The following DPY19L2 variants were observed in gnomAD, a reference collection of about 807,000 sequenced individuals.
The protein encoded by DPY19L2 is probable C-mannosyltransferase DPY19L2.
A neutral mutation model predicts 97.9 loss-of-function variants in DPY19L2; 34 were observed. That is an observed-to-expected ratio of 0.35 (90% CI 0.26 to 0.46). The LOEUF (loss-of-function observed/expected upper bound fraction) is 0.46. DPY19L2 is among the 20% of genes least tolerant of loss of function. The pLI, the probability that DPY19L2 is intolerant of heterozygous loss-of-function variation, is 1.00. For synonymous variants in DPY19L2, 230 were observed against 307.9 expected, an observed-to-expected ratio of 0.75 and a Z score of 2.65; for missense variants, 623 against 911.4, an observed-to-expected ratio of 0.68 and a Z score of 4.07.
In DPY19L2 at chr12:63,580,834, G is replaced by T. The variant is rs1409475328; in HGVS notation, c.1728C>A (p.Leu576=). The T allele has an allele frequency of 1.2e-6, 2 of 1,610,720 alleles. No individual in the cohort carries two copies. The highest frequency in any genetic ancestry group is 1.1e-5 in the South Asian group (1 of 90,400). The change falls in exon 19 of 22, where the codon CTC becomes CTA. Residue 576 remains leucine (L), a splice_region_variant and synonymous_variant. Transcript: ENST00000324472. ...VMASLICSRQ[L]FGWLFRRVRF... ...GAACTCTGCGAAAAAGCCAGCCAAA[G>T]AGCTGAAACGAAAGAAACCGTTTAT...
At chr12:63,609,850 C>T (rs1474933656) in intron 11 of DPY19L2, among the ~76,000 whole-genome samples, 1 of 152,110 alleles carries the variant, frequency 6.6e-6, no homozygotes, top group Non-Finnish European at 1.5e-5. Context: ...AATTTTGTAT[C>T]ATTTAGTTGG....
chr12:63,665,242 C>T (rs1394974413), intron 2 of DPY19L2, among the ~76,000 whole-genome samples: 1 of 152,070 alleles, frequency 6.6e-6, no homozygotes, highest in Non-Finnish European at 1.5e-5. Flanking sequence ...GAGGCCGAGG[C>T]AGGTGGATCA....
At chr12:63,639,848 T>C (rs919655265) in intron 6 of DPY19L2, among the ~76,000 whole-genome samples, 12 of 152,208 alleles carry the variant, frequency 7.9e-5, no homozygotes, top group Non-Finnish European at 1.8e-4. Context: ...ATCCCATTAC[T>C]GGGTATATAC....
At position 63,558,987 on chromosome 12, in the gene DPY19L2, T is replaced by G. The variant is rs1876019874; in HGVS notation, c.*1525A>C. On this transcript the variant is annotated 3_prime_UTR_variant, in exon 22 of 22. Transcript: ENST00000324472. ...TATTTGTACTGAATATTTTATTAGC[T>G]AATACAGTACCATTTTAAAAGTTCT... is the stretch of plus-strand genomic sequence containing the variant. 6.6e-6 allele frequency: 1 copy of G among 152,186 alleles called. No individual in the cohort carries two copies. Among genetic ancestry groups the G allele is most frequent in the Non-Finnish European group, 1.5e-5 (1 of 68,022 alleles). 9.4% of individuals were successfully genotyped at this position (152,186 alleles called of 1,614,324 possible). A position where few individuals can be genotyped will look rare whatever the true frequency, so the allele number is the denominator to read the frequency against.
chr12:63,634,617 G>A (rs1891329719), intron 6 of DPY19L2, among the ~76,000 whole-genome samples: 1 of 152,086 alleles, frequency 6.6e-6, no homozygotes, highest in Non-Finnish European at 1.5e-5. Flanking sequence ...TTAGCAAACG[G>A]CACACCAGGA....
chr12:63,621,486 T>C (rs1888684102), intron 8 of DPY19L2, 149 bp from the exon 9 acceptor site: 5 of 674,404 alleles, frequency 7.4e-6, no homozygotes, highest in African/African-American at 1.8e-5. Flanking sequence ...TAAAGTATAC[T>C]AAAAAGAACT....
chr12:63,639,670 A>AGAATG (rs1220920707), intron 6 of DPY19L2, among the ~76,000 whole-genome samples: 2 of 152,216 alleles, frequency 1.3e-5, no homozygotes, highest in Non-Finnish European at 2.9e-5. Flanking sequence ...CACACCAGTT[A>AGAATG]GAATGGCAAT....
chr12:63,620,100 C>A, intron 9 of DPY19L2: 3 of 363,402 alleles, frequency 8.3e-6, no homozygotes, highest in South Asian at 2.1e-5. Flanking sequence ...TTATTATTAT[C>A]ATCAGCATTT....
In DPY19L2 at chr12:63,587,778, G is replaced by A. The variant is rs556126939; in HGVS notation, c.1581-3942C>T. On this transcript the variant is annotated intron_variant, in intron 16 of 21. Coordinates refer to ENST00000324472, the MANE Select transcript of DPY19L2 (RefSeq NM_173812.5). ...AGTGGAGACAGGGTTTCACCGTGTT[G>A]GCCAGGATGGTCTCGATCTCCTGAC... 4.0e-3 allele frequency among the ~76,000 whole-genome samples: 610 copies of A among 151,978 alleles called. 3 individuals carry two copies. The highest frequency in any genetic ancestry group is 6.1e-3 in the Non-Finnish European group (414 of 67,934).
At chr12:63,596,981 CT>C (rs1185325132) in intron 14 of DPY19L2, among the ~76,000 whole-genome samples, 3 of 150,170 alleles carry the variant, frequency 2.0e-5, no homozygotes, top group African/African-American at 4.9e-5. Flanking sequence ...ATTTTTTTTT[CT>C]TTTTTTTTGA....
intron 4 of DPY19L2, among the ~76,000 whole-genome samples, chr12:63,659,520 T>A (rs747560120): frequency 6.6e-6 from 1 of 151,566 alleles, no homozygotes; most frequent in East Asian, 1.9e-4. Flanking sequence ...TAACATTAGA[T>A]AGAAATGCAA....
intron 5 of DPY19L2, among the ~76,000 whole-genome samples, 185 bp from the exon 6 acceptor site, chr12:63,644,681 CATATATATGTATGTGTGT>C (rs1015349922): frequency 6.6e-6 from 1 of 151,690 alleles, no homozygotes; most frequent in Non-Finnish European, 1.5e-5. Context: ...CTTGCAGACA[CATATATATGTATGTGTGT>C]ATATATATGT....
At chr12:63,647,868 G>A (rs1893643307) in intron 4 of DPY19L2, among the ~76,000 whole-genome samples, 7 of 152,082 alleles carry the variant, frequency 4.6e-5, no homozygotes, top group Admixed American at 4.6e-4. Flanking sequence ...GAGTTCCGTG[G>A]GCTCTCTTTG....
chr12:63,594,842 T>C (rs1010441677), intron 15 of DPY19L2, among the ~76,000 whole-genome samples: 5 of 152,290 alleles, frequency 3.3e-5, no homozygotes, highest in Admixed American at 6.5e-5. Flanking sequence ...AATTCATGCA[T>C]TGGCCCCTCT....
chr12:63,582,613 G>T (rs2137376742), intron 17 of DPY19L2, 88 bp from the exon 18 acceptor site: 2 of 1,339,958 alleles, frequency 1.5e-6, no homozygotes. Flanking sequence ...TATTCATTAA[G>T]ACAAGGATCT....
At chr12:63,565,633 T>G (rs1029619393) in intron 21 of DPY19L2, among the ~76,000 whole-genome samples, 1 of 152,136 alleles carries the variant, frequency 6.6e-6, no homozygotes, top group Non-Finnish European at 1.5e-5. Flanking sequence ...ATGGCCATCG[T>G]GGGGGGCTCA....
rs1895032208 is a variant in DPY19L2, at chr12:63,656,821, G to A, written c.588+4523C>T. Among the ~76,000 whole-genome samples, 3 of 152,076 alleles carry A rather than the reference G, an allele frequency of 2.0e-5. No individual in the cohort carries two copies. In the South Asian group the frequency reaches 6.2e-4, roughly 32 times the overall value. ...CTTCTGCTGTGCTGTCTGCTGATGA[G>A]CTCATGTAAGGCATTTTTTACTTCT... On this transcript the variant is annotated intron_variant, in intron 4 of 21. Coordinates refer to ENST00000324472, the MANE Select transcript of DPY19L2 (RefSeq NM_173812.5).
At chr12:63,612,269 C>T (rs1246266175) in intron 11 of DPY19L2, among the ~76,000 whole-genome samples, 1 of 152,008 alleles carries the variant, frequency 6.6e-6, no homozygotes, top group Non-Finnish European at 1.5e-5. Context: ...GTCTTTCAGA[C>T]AGCAGGAATA....
rs539803819 is a variant in DPY19L2 at position 63,633,272 on chromosome 12, T to C, written c.804-6746A>G. 3.9e-5 allele frequency among the ~76,000 whole-genome samples: 6 copies of C among 152,186 alleles called. No individual in the cohort carries two copies. In the South Asian group the frequency reaches 1.2e-3, roughly 31 times the overall value. On this transcript the variant is annotated intron_variant, in intron 6 of 21. Coordinates refer to ENST00000324472, the MANE Select transcript of DPY19L2 (RefSeq NM_173812.5). ...CAAAAGAAACTACCATCAGAGTGAA[T>C]AGGCAACCTACAGAATGGGAGAAAT...
Sources: allele counts gnomAD v4.1 joint callset (sites outside exome capture counted in the v4.1 genomes callset), GRCh38; gene constraint gnomAD v4.1.1; transcripts MANE v1.5; gene names NCBI Gene and HGNC (gene_info 2026-07-23, HGNC 2026-07-21).